CEP128: variants seen among roughly 807,000 people sequenced by gnomAD.
CEP128 encodes centrosomal protein 128kDa.
Under a neutral mutation model 156.7 loss-of-function variants are expected in CEP128, and 132 were observed. The observed-to-expected ratio is 0.84, with a 90% CI of 0.73 to 0.97. CEP128 has a LOEUF of 0.97. CEP128 is among the 50% of genes least tolerant of loss of function. CEP128 has a pLI of 0.00. For missense variants in CEP128, 1,252 were observed against 1,281.9 expected (o/e 0.98, Z 0.36); for synonymous variants, 469 against 448.9 (o/e 1.04, Z -0.57).
chr14:80,676,737 G>T (rs1365498496), intron 19 of CEP128, among the ~76,000 whole-genome samples: 22 of 151,942 alleles, frequency 1.4e-4, no homozygotes, highest in Admixed American at 1.4e-3. Flanking sequence ...TTTGTAACAC[G>T]AATTTGTGTT....
intron 9 of CEP128, among the ~76,000 whole-genome samples, chr14:80,846,484 G>A (rs546667441): frequency 2.6e-5 from 4 of 152,136 alleles, no homozygotes; most frequent in South Asian, 2.1e-4. Context: ...ACTAGCTCAC[G>A]GTTAGTAGGA....
chr14:80,761,974 T>C (rs1340856248), intron 16 of CEP128, among the ~76,000 whole-genome samples: 2 of 152,144 alleles, frequency 1.3e-5, no homozygotes, highest in African/African-American at 4.8e-5. Flanking sequence ...AAGCTTTCAC[T>C]GAACATTAGT....
intron 24 of CEP128, among the ~76,000 whole-genome samples, chr14:80,503,345 T>TA (rs2092683411): frequency 6.6e-6 from 1 of 152,168 alleles, no homozygotes; most frequent in Admixed American, 6.5e-5. Context: ...AAATATATCT[T>TA]AGAGAAATGA....
At chr14:80,830,545 T>A (rs1478155718) in intron 13 of CEP128, 1 of 221,496 alleles carries the variant, frequency 4.5e-6, no homozygotes, top group Non-Finnish European at 8.8e-6. Context: ...TCTTTTCCTT[T>A]GATTTTTAAT....
intron 8 of CEP128, among the ~76,000 whole-genome samples, chr14:80,872,553 C>T (rs1254342088): frequency 6.6e-6 from 1 of 152,128 alleles, no homozygotes; most frequent in East Asian, 1.9e-4. Flanking sequence ...ATTAAGAGGG[C>T]TTACCAGTAG....
chr14:80,838,563 T>C (rs553399767), intron 10 of CEP128, among the ~76,000 whole-genome samples: 25 of 152,248 alleles, frequency 1.6e-4, no homozygotes, highest in African/African-American at 5.5e-4. Flanking sequence ...CTGGCCTCCA[T>C]TCTATCATCT....
intron 19 of CEP128, among the ~76,000 whole-genome samples, chr14:80,667,592 C>A (rs1386010001): frequency 6.6e-6 from 1 of 152,174 alleles, no homozygotes; most frequent in Non-Finnish European, 1.5e-5. Context: ...GGTGCGGTGG[C>A]TCACGCCTGT....
intron 17 of CEP128, among the ~76,000 whole-genome samples, chr14:80,761,206 T>C (rs1245907119): frequency 4.0e-5 from 6 of 151,780 alleles, no homozygotes; most frequent in Middle Eastern, 3.2e-3. Context: ...TTTTTCTTTT[T>C]TTTTTTTTTT....
intron 21 of CEP128, among the ~76,000 whole-genome samples, chr14:80,559,034 T>C (rs1414749722): frequency 6.6e-6 from 1 of 152,366 alleles, no homozygotes; most frequent in East Asian, 1.9e-4. Context: ...TTAGTACATC[T>C]TGACATCAGA....
intron 9 of CEP128, among the ~76,000 whole-genome samples, chr14:80,855,881 T>C (rs534461031): frequency 7.2e-5 from 11 of 152,292 alleles, no homozygotes; most frequent in Admixed American, 4.6e-4. Flanking sequence ...CTAGGTTTCA[T>C]GGAAGCTTCT....
At position 80,725,183 on chromosome 14, in the gene CEP128, A is replaced by G. The variant is rs1194519223; in HGVS notation, c.2806+17892T>C. 1.7e-4 allele frequency among the ~76,000 whole-genome samples: 23 copies of G among 137,102 alleles called. No homozygotes were observed. The East Asian group carries it at 4.4e-3, about 26-fold the overall frequency. 89.9% of individuals were successfully genotyped at this position (137,102 alleles called of 152,430 possible). On this transcript the variant is annotated intron_variant, in intron 19 of 24. Transcript: ENST00000555265. ...ACTCTTTGTCATTCTTGTTTTCCCA[A>G]TTTTTTTTTTTTTTTTGATACAGAG...
rs533255145 is a variant in CEP128, at chr14:80,553,484, C to G, written c.2880+5795G>C. ...GTACGTATTTCCGTTTCTGGGTTCT[C>G]TATTTGATTACACTGACCGACTTAT... On this transcript the variant is annotated intron_variant, in intron 21 of 24. Coordinates refer to ENST00000555265, the MANE Select transcript of CEP128 (RefSeq NM_152446.5). Among the ~76,000 whole-genome samples, 314 of 152,280 alleles carry G rather than the reference C, an allele frequency of 2.1e-3. 1 individual carries two copies. The highest frequency in any genetic ancestry group is 2.4e-3 in the Non-Finnish European group (163 of 68,020).
intron 8 of CEP128, among the ~76,000 whole-genome samples, chr14:80,883,243 T>A (rs1888636297): frequency 1.3e-5 from 2 of 151,888 alleles, no homozygotes; most frequent in East Asian, 3.9e-4. Context: ...GGCTGAATCT[T>A]TGAGAGTGGG....
chr14:80,890,319 A>C (rs2139368223), intron 8 of CEP128, among the ~76,000 whole-genome samples: 1 of 152,314 alleles, frequency 6.6e-6, no homozygotes, highest in South Asian at 2.1e-4. Flanking sequence ...ATAAAGACAC[A>C]TGCACATGTA....
intron 20 of CEP128, among the ~76,000 whole-genome samples, chr14:80,574,311 A>C (rs536093700): frequency 1.9e-4 from 29 of 152,166 alleles, no homozygotes; most frequent in Non-Finnish European, 1.8e-4. Flanking sequence ...GGAACTCTAA[A>C]ATGGACTCGT....
chr14:80,814,859 C>T (rs953498660), intron 13 of CEP128, among the ~76,000 whole-genome samples: 16 of 152,120 alleles, frequency 1.1e-4, no homozygotes, highest in Non-Finnish European at 2.1e-4. Flanking sequence ...GAGTTCGAGA[C>T]CAACCTGACC....
chr14:80,741,962 A>G (rs917730031), intron 19 of CEP128, among the ~76,000 whole-genome samples: 2 of 152,204 alleles, frequency 1.3e-5, no homozygotes, highest in Non-Finnish European at 2.9e-5. Flanking sequence ...AGATCTAAAT[A>G]AAGTGACATG....
At chr14:80,511,342 G>T (rs77026912) in intron 23 of CEP128, among the ~76,000 whole-genome samples, 1 of 151,872 alleles carries the variant, frequency 6.6e-6, no homozygotes, top group Non-Finnish European at 1.5e-5. Flanking sequence ...TTAGTAGGTT[G>T]TATGTGTCCA....
At chr14:80,753,471 A>C (rs762780746) in intron 18 of CEP128, among the ~76,000 whole-genome samples, 1 of 152,220 alleles carries the variant, frequency 6.6e-6, no homozygotes, top group East Asian at 1.9e-4. Context: ...AGCACAGCTA[A>C]TATTAGCTTT....
Sources: gnomAD v4.1 joint callset for allele counts (sites outside exome capture counted in the v4.1 genomes callset) on GRCh38, gnomAD v4.1.1 for gene constraint, MANE v1.5 for transcripts, NCBI Gene and HGNC (gene_info 2026-07-23, HGNC 2026-07-21) for gene names.